SEMA6D: variants seen among roughly 807,000 people sequenced by gnomAD.
SEMA6D encodes the protein semaphorin 6D.
A neutral mutation model predicts 106.6 loss-of-function variants in SEMA6D; 35 were observed. That is an observed-to-expected ratio of 0.33 (90% CI 0.25 to 0.44). SEMA6D has a LOEUF of 0.44. SEMA6D is among the 20% of genes least tolerant of loss of function. The pLI is 1.00. For missense variants in SEMA6D, 1,185 were observed against 1,345.9 expected (o/e 0.88, Z 1.87); for synonymous variants, 499 against 487.7 (o/e 1.02, Z -0.31).
chr15:47,761,107 C>T (rs1417021909), intron 4 of SEMA6D, 51 bp from the exon 5 acceptor site: 1 of 1,611,492 alleles, frequency 6.2e-7, no homozygotes, highest in Admixed American at 1.7e-5. Flanking sequence ...CACTGCCTCC[C>T]CAAAAATGTT....
intron 3 of SEMA6D, among the ~76,000 whole-genome samples, chr15:47,551,209 C>A (rs2045676387): frequency 6.6e-6 from 1 of 152,074 alleles, no homozygotes; most frequent in Admixed American, 6.6e-5. Context: ...GATTAGATGA[C>A]CACAACTCAT....
intron 3 of SEMA6D, among the ~76,000 whole-genome samples, chr15:47,527,468 T>C (rs1407557008): frequency 1.4e-5 from 2 of 148,084 alleles, no homozygotes; most frequent in Non-Finnish European, 2.9e-5. Flanking sequence ...AACCAGCCTT[T>C]CAAAGATTTT....
At chr15:47,689,554 C>T (rs1306566680) in intron 4 of SEMA6D, among the ~76,000 whole-genome samples, 3 of 152,218 alleles carry the variant, frequency 2.0e-5, no homozygotes, top group Admixed American at 6.5e-5. Flanking sequence ...CTCTGCATTG[C>T]TTTCTTCAGG....
At chr15:47,306,631 C>T (rs1047685201) in intron 1 of SEMA6D, among the ~76,000 whole-genome samples, 6 of 152,222 alleles carry the variant, frequency 3.9e-5, no homozygotes, top group African/African-American at 9.6e-5. Flanking sequence ...AGGAGAATCA[C>T]TTGAACCTGG....
intron 1 of SEMA6D, among the ~76,000 whole-genome samples, chr15:47,357,694 G>T (rs1334987775): frequency 2.0e-5 from 3 of 152,080 alleles, no homozygotes; most frequent in African/African-American, 7.2e-5. Flanking sequence ...CCACATTAAG[G>T]GTGGGTCTGC....
intron 4 of SEMA6D, among the ~76,000 whole-genome samples, chr15:47,642,915 G>T (rs1045403483): frequency 6.6e-6 from 1 of 151,864 alleles, no homozygotes; most frequent in Non-Finnish European, 1.5e-5. Context: ...AAGGAAATGC[G>T]GGAAGGGATA....
chr15:47,592,550 T>C (rs2076458677), intron 3 of SEMA6D, among the ~76,000 whole-genome samples: 1 of 152,202 alleles, frequency 6.6e-6, no homozygotes, highest in South Asian at 2.1e-4. Flanking sequence ...GATCATGGCG[T>C]GAGTTTCTGT....
chr15:47,557,271 T>C (rs548084012), intron 3 of SEMA6D, among the ~76,000 whole-genome samples: 2 of 152,232 alleles, frequency 1.3e-5, no homozygotes, highest in East Asian at 3.9e-4. Flanking sequence ...CACTGCACTT[T>C]TGCAAAGTTC....
chr15:47,677,686 T>C (rs1285062494), intron 4 of SEMA6D, among the ~76,000 whole-genome samples: 2 of 152,204 alleles, frequency 1.3e-5, no homozygotes, highest in African/African-American at 2.4e-5. Context: ...TGTTAAATGA[T>C]GGAATTGAAT....
intron 3 of SEMA6D, among the ~76,000 whole-genome samples, chr15:47,494,382 G>T (rs936733396): frequency 2.0e-5 from 3 of 151,928 alleles, no homozygotes; most frequent in Non-Finnish European, 2.9e-5. Flanking sequence ...GATCACTGCT[G>T]TCTGTAAAAC....
rs781367591 is a variant in SEMA6D at position 47,766,005 on chromosome 15, A to G, written c.1564A>G (p.Lys522Glu). The G allele has an allele frequency of 6.2e-7, 1 of 1,602,098 alleles. No homozygotes were observed. ...TCGCTGTGAGCGTTATGGATCATGT[A>G]AAAAGTAAGCTCGTGTTTCTTTACT... ...LSRCERYGSC[K>E]KSCIASRDPY... The change falls in exon 14 of 19, where the codon AAA becomes GAA. Residue 522 changes from lysine to glutamate, a missense_variant. Coordinates refer to ENST00000536845, the MANE Select transcript of SEMA6D (RefSeq NM_001358351.3).
At chr15:47,760,688 C>T (rs140054132) in intron 3 of SEMA6D, among the ~76,000 whole-genome samples, 3 of 152,040 alleles carry the variant, frequency 2.0e-5, no homozygotes, top group African/African-American at 4.8e-5. Flanking sequence ...TTTCTTTATG[C>T]GTTTTTAACT....
At chr15:47,541,757 A>G (rs1477148074) in intron 3 of SEMA6D, among the ~76,000 whole-genome samples, 1 of 152,146 alleles carries the variant, frequency 6.6e-6, no homozygotes, top group East Asian at 1.9e-4. Context: ...TTATTTTTAC[A>G]GCTGCAAAGT....
intron 4 of SEMA6D, among the ~76,000 whole-genome samples, chr15:47,643,375 T>G (rs2077524919): frequency 6.6e-6 from 1 of 151,024 alleles, no homozygotes; most frequent in Non-Finnish European, 1.5e-5. Context: ...CAGCATAGCT[T>G]CTCATGGCAG....
At position 47,772,300 on chromosome 15, in the gene SEMA6D, T is replaced by C. The variant is rs1388881294; in HGVS notation, c.*515T>C. ...TCAATCTTTGACCCAAGCTGTAGCA[T>C]TTTTTTTTCATGTGTGGCATCTTTT... On this transcript the variant is annotated 3_prime_UTR_variant, in exon 19 of 19. Coordinates refer to ENST00000536845, the MANE Select transcript of SEMA6D (RefSeq NM_001358351.3). 1 of 155,510 alleles carries C rather than the reference T, an allele frequency of 6.4e-6. No homozygotes were observed. Among genetic ancestry groups the C allele is most frequent in the African/African-American group, 2.4e-5 (1 of 41,074 alleles). 9.6% of individuals were successfully genotyped at this position (155,510 alleles called of 1,614,324 possible). A position where few individuals can be genotyped will look rare whatever the true frequency, so the allele number is the denominator to read the frequency against.
At chr15:47,624,716 C>T (rs940732803) in intron 4 of SEMA6D, among the ~76,000 whole-genome samples, 3 of 152,070 alleles carry the variant, frequency 2.0e-5, no homozygotes, top group African/African-American at 7.2e-5. Flanking sequence ...CAATGAAGTG[C>T]CATTACAGGA....
rs1376632229 is a variant in SEMA6D, at chr15:47,706,438, TACATTCTATG to T, written c.-54-53296_-54-53287del. Among the ~76,000 whole-genome samples, 14 of 152,360 alleles carry T rather than the reference TACATTCTATG, an allele frequency of 9.2e-5. No individual in the cohort carries two copies. The East Asian group carries it at 2.3e-3, about 25-fold the overall frequency. On this transcript the variant is annotated intron_variant, in intron 4 of 19. Transcript: ENST00000558014. ...CAAAGGTTGCTTATGTAATTAAGCA[TACATTCTATG>T]ACATTCTATGTAAGTTGAAATGGTT... is the stretch of plus-strand genomic sequence containing the variant.
chr15:47,389,668 A>G (rs1430539050), intron 1 of SEMA6D, among the ~76,000 whole-genome samples: 1 of 152,202 alleles, frequency 6.6e-6, no homozygotes, highest in Non-Finnish European at 1.5e-5. Flanking sequence ...CATTTAAGTC[A>G]TTATTGTAGA....
chr15:47,425,803 C>G (rs374388559), intron 2 of SEMA6D, among the ~76,000 whole-genome samples: 3 of 151,764 alleles, frequency 2.0e-5, no homozygotes, highest in African/African-American at 7.3e-5. Context: ...GTACCTTTTC[C>G]TCCATTTTCA....
Sources: gnomAD v4.1 joint callset for allele counts (sites outside exome capture counted in the v4.1 genomes callset) on GRCh38, gnomAD v4.1.1 for gene constraint, MANE v1.5 for transcripts, NCBI Gene and HGNC (gene_info 2026-07-23, HGNC 2026-07-21) for gene names.